Variants in GPC6 observed in about 807,000 individuals in gnomAD.
The protein encoded by GPC6 is glypican 6.
In GPC6, 14 loss-of-function variants were observed where a neutral mutation model predicts 55.2. The observed-to-expected ratio is 0.25, with a 90% confidence interval of 0.17 to 0.40. The LOEUF (loss-of-function observed/expected upper bound fraction) is 0.40. Ranked by LOEUF, GPC6 falls within the 10% of genes least tolerant of loss-of-function variation. GPC6 has a pLI of 1.00. For missense variants in GPC6, 641 were observed against 708.5 expected, an observed-to-expected ratio of 0.90 and a Z score of 1.08; for synonymous variants, 278 against 259.6, an observed-to-expected ratio of 1.07 and a Z score of -0.68.
At chr13:93,540,966 C>T (rs1024744176) in intron 1 of GPC6, among the ~76,000 whole-genome samples, 12 of 152,142 alleles carry the variant, frequency 7.9e-5, no homozygotes, top group Middle Eastern at 3.4e-3. Context: ...TTCGCTATTT[C>T]GCTTAACATA....
chr13:93,474,459 C>T (rs1879232974), intron 1 of GPC6, among the ~76,000 whole-genome samples: 1 of 151,968 alleles, frequency 6.6e-6, no homozygotes, highest in Admixed American at 6.6e-5. Context: ...TTCTTTTTCC[C>T]CCAAGCAGAG....
rs753024722 is a variant in GPC6 at position 94,016,636 on chromosome 13, C to T, written c.712-11093C>T. Reference sequence around the variant, plus strand: ...GCTGTTAGAATTTTGAAAGAGATTGCGGTGAATCTATAAATTGCTTTAAGT... The same window carrying T: ...GCTGTTAGAATTTTGAAAGAGATTGTGGTGAATCTATAAATTGCTTTAAGT... On this transcript the variant is annotated intron_variant, in intron 3 of 8. Coordinates refer to ENST00000377047, the MANE Select transcript of GPC6 (RefSeq NM_005708.5). Among the ~76,000 whole-genome samples the T allele has an allele frequency of 5.3e-5, 8 of 152,110 alleles. 1 individual carries two copies. Among genetic ancestry groups the T allele is most frequent in the Admixed American group, 1.3e-4 (2 of 15,262 alleles).
chr13:93,559,627 A>G (rs1276812026), intron 2 of GPC6, among the ~76,000 whole-genome samples: 3 of 152,260 alleles, frequency 2.0e-5, no homozygotes, highest in Non-Finnish European at 4.4e-5. Flanking sequence ...CTTTATAAAA[A>G]GACATGAATA....
intron 3 of GPC6, among the ~76,000 whole-genome samples, chr13:93,869,835 G>A (rs984434237): frequency 4.6e-5 from 7 of 151,718 alleles, no homozygotes; most frequent in Non-Finnish European, 8.8e-5. Context: ...TGAATACAAC[G>A]GAGGAATGAA....
chr13:93,861,571 T>C (rs1888815411), intron 3 of GPC6, among the ~76,000 whole-genome samples: 1 of 151,808 alleles, frequency 6.6e-6, no homozygotes, highest in Non-Finnish European at 1.5e-5. Context: ...TTTAAAGCTC[T>C]TATTTTAAGC....
chr13:94,394,109 A>G (rs1182563131), intron 7 of GPC6, among the ~76,000 whole-genome samples: 6 of 152,162 alleles, frequency 3.9e-5, no homozygotes, highest in Non-Finnish European at 8.8e-5. Flanking sequence ...TAATGTTTGG[A>G]TGTAGTCAAG....
intron 4 of GPC6, among the ~76,000 whole-genome samples, chr13:94,050,178 G>T (rs1439881978): frequency 2.0e-5 from 3 of 152,070 alleles, no homozygotes; most frequent in Admixed American, 2.0e-4. Context: ...TGAACTAGGG[G>T]TTTGGTCTGT....
Position 93,965,117 on chromosome 13 carries a change from T to G in GPC6, c.712-62612T>G, listed in dbSNP as rs868803058. Among the ~76,000 whole-genome samples the G allele has an allele frequency of 7.6e-3, 1,082 of 142,778 alleles. 18 individuals are homozygous for G. Among genetic ancestry groups the G allele is most frequent in the African/African-American group, 0.028 (1,017 of 36,962 alleles). 93.7% of individuals were successfully genotyped at this position (142,778 alleles called of 152,430 possible). A position where few individuals can be genotyped will look rare whatever the true frequency, so the allele number is the denominator to read the frequency against. ...AACACTATGAGTTTGTTTTTTTTTT[T>G]TTTTTTTTTTTTTTTAGCAAGGGAA... On this transcript the variant is annotated intron_variant, in intron 3 of 8. Transcript: ENST00000377047.
intron 2 of GPC6, among the ~76,000 whole-genome samples, chr13:93,791,186 G>A (rs962797090): frequency 1.3e-5 from 2 of 152,108 alleles, no homozygotes; most frequent in Admixed American, 1.3e-4. Context: ...TACTTCTGAT[G>A]TATGTTCCAG....
At chr13:93,867,165 G>T (rs1888990142) in intron 3 of GPC6, among the ~76,000 whole-genome samples, 1 of 151,682 alleles carries the variant, frequency 6.6e-6, no homozygotes, top group Non-Finnish European at 1.5e-5. Flanking sequence ...CCCAATTCAT[G>T]AAACAAGGTT....
In GPC6 at chr13:93,896,089, G is replaced by A. The variant is rs148140295; in HGVS notation, c.711+65544G>A. On this transcript the variant is annotated intron_variant, in intron 3 of 8. Transcript: ENST00000377047. ...GAAATGATAAATGCTTGAGGTGATA[G>A]CTACCCTAATTGCCCTGATGTGATC... is the stretch of plus-strand genomic sequence containing the variant. Among the ~76,000 whole-genome samples, 214 of 152,148 alleles carry A rather than the reference G, an allele frequency of 1.4e-3. 1 individual carries two copies. The highest frequency in any genetic ancestry group is 4.9e-3 in the African/African-American group (203 of 41,566).
At chr13:93,964,145 G>C (rs541291273) in intron 3 of GPC6, among the ~76,000 whole-genome samples, 1 of 152,142 alleles carries the variant, frequency 6.6e-6, no homozygotes, top group Non-Finnish European at 1.5e-5. Flanking sequence ...GACTTTTAGA[G>C]GTCATGGAGA....
intron 3 of GPC6, among the ~76,000 whole-genome samples, chr13:93,987,749 G>T (rs1004129048): frequency 1.3e-5 from 2 of 152,110 alleles, no homozygotes; most frequent in Non-Finnish European, 2.9e-5. Flanking sequence ...CTGTTTGAAA[G>T]CTCTGTCAAG....
At chr13:94,351,962 C>CAAAAAAAAAAAAAAAAAAAAAAAAAAA (rs60206836) in intron 6 of GPC6, among the ~76,000 whole-genome samples, 8 of 101,528 alleles carry the variant, frequency 7.9e-5, no homozygotes, top group South Asian at 3.3e-4. Flanking sequence ...GAGAAGAAGG[C>CAAAAAAAAAAAAAAAAAAAAAAAAAAA]AAAAAAAAAA....
At chr13:93,865,526 G>A (rs1276188877) in intron 3 of GPC6, among the ~76,000 whole-genome samples, 1 of 151,712 alleles carries the variant, frequency 6.6e-6, no homozygotes, top group African/African-American at 2.4e-5. Context: ...TAAAGCCAGA[G>A]GTTGTAACCT....
intron 3 of GPC6, among the ~76,000 whole-genome samples, chr13:93,912,545 C>G (rs186613617): frequency 1.3e-5 from 2 of 152,058 alleles, no homozygotes; most frequent in South Asian, 4.2e-4. Flanking sequence ...AGATCGAGAC[C>G]ATCCTGGCTA....
chr13:93,801,955 T>A (rs1594469699), intron 2 of GPC6, among the ~76,000 whole-genome samples: 1 of 152,346 alleles, frequency 6.6e-6, no homozygotes, highest in South Asian at 2.1e-4. Context: ...TTCTTCATGC[T>A]GCAAATGAAT....
At chr13:94,085,839 A>C (rs924227199) in intron 4 of GPC6, among the ~76,000 whole-genome samples, 1 of 152,198 alleles carries the variant, frequency 6.6e-6, no homozygotes, top group African/African-American at 2.4e-5. Flanking sequence ...TTAAATAATT[A>C]TATAATGGAA....
chr13:93,992,262 C>G (rs1479086958), intron 3 of GPC6, among the ~76,000 whole-genome samples: 1 of 151,056 alleles, frequency 6.6e-6, no homozygotes, highest in African/African-American at 2.4e-5. Context: ...CAACATACTT[C>G]TTTTTATGTT....
Sources: gnomAD v4.1 joint callset for allele counts (sites outside exome capture counted in the v4.1 genomes callset) on GRCh38, gnomAD v4.1.1 for gene constraint, MANE v1.5 for transcripts, NCBI Gene and HGNC (gene_info 2026-07-23, HGNC 2026-07-21) for gene names.